LAMB1: variants seen among roughly 807,000 people sequenced by gnomAD.
LAMB1 encodes laminin subunit beta-1.
Under a neutral mutation model 222.3 loss-of-function variants are expected in LAMB1, and 121 were observed. That is an observed-to-expected ratio of 0.54 (90% CI 0.47 to 0.63). LAMB1 has a LOEUF of 0.63. Among genes scored for constraint, LAMB1 ranks in the 30% least tolerant of loss-of-function variants. The pLI, the probability that LAMB1 is intolerant of heterozygous loss-of-function variation, is 0.00. For synonymous variants in LAMB1, 794 were observed against 807.2 expected (o/e 0.98, Z 0.28); for missense variants, 2,172 against 2,240.8 (o/e 0.97, Z 0.62).
At chr7:107,996,522 T>G (rs540063918) in intron 4 of LAMB1, among the ~76,000 whole-genome samples, 2 of 152,292 alleles carry the variant, frequency 1.3e-5, no homozygotes, top group Admixed American at 1.3e-4. Flanking sequence ...TCATAAACTC[T>G]TAAACTGTGA....
At chr7:108,002,288 C>T in intron 2 of LAMB1, 1 of 1,310,908 alleles carries the variant, frequency 7.6e-7, no homozygotes, top group South Asian at 1.2e-5. Context: ...CGGTGGACGC[C>T]GCTTTCCGGA....
chr7:107,935,017 G>A (rs2032806184), intron 27 of LAMB1, among the ~76,000 whole-genome samples: 1 of 151,916 alleles, frequency 6.6e-6, no homozygotes, highest in Non-Finnish European at 1.5e-5. Flanking sequence ...CGGAGTTCAA[G>A]ACTAGCCTGA....
intron 32 of LAMB1, among the ~76,000 whole-genome samples, chr7:107,924,766 C>A (rs2032521258): frequency 6.6e-6 from 1 of 151,874 alleles, no homozygotes; most frequent in African/African-American, 2.4e-5. Context: ...TGGATCTTGA[C>A]TAAATTAGGA....
At chr7:107,975,549 A>G in intron 10 of LAMB1, 136 bp from the exon 11 acceptor site, 2 of 1,218,802 alleles carry the variant, frequency 1.6e-6, no homozygotes, top group Non-Finnish European at 2.3e-6. Context: ...AGTAAATTCC[A>G]CTCCCAGCGT....
intron 7 of LAMB1, among the ~76,000 whole-genome samples, chr7:107,982,541 A>C (rs896465392): frequency 3.9e-5 from 6 of 152,226 alleles, no homozygotes; most frequent in Non-Finnish European, 7.3e-5. Context: ...GCAGTTATGA[A>C]CGCCAACATT....
Position 107,959,361 on chromosome 7 carries a change from C to A in LAMB1, c.2578G>T (p.Gly860Cys). The change falls in exon 20 of 34, where the codon GGC becomes TGC. Residue 860 changes from glycine (G) to cysteine (C), a missense_variant. By Grantham distance (159) the Gly-to-Cys change is radical. Transcript: ENST00000222399. ...QCDRCLPGHWGFPSCQPCQCN... is the reference protein window; with the variant it reads ...QCDRCLPGHWCFPSCQPCQCN... Reference sequence around the variant, plus strand: ...TGGCAGGGCTGGCAACTTGGAAAGCCCCAGTGCCCAGGTAAGCACCGATCA... The same window carrying A: ...TGGCAGGGCTGGCAACTTGGAAAGCACCAGTGCCCAGGTAAGCACCGATCA... 6.2e-7 allele frequency: 1 copy of A among 1,614,210 alleles called. No homozygotes were observed. Among genetic ancestry groups the A allele is most frequent in the East Asian group, 2.2e-5 (1 of 44,878 alleles).
intron 9 of LAMB1, among the ~76,000 whole-genome samples, chr7:107,976,839 C>T (rs2033866950): frequency 6.7e-6 from 1 of 148,600 alleles, no homozygotes; most frequent in Admixed American, 6.8e-5. Context: ...TTTCCTCTCT[C>T]TCCTTCCTTC....
chr7:107,944,751 G>A (rs1305992649), intron 24 of LAMB1, among the ~76,000 whole-genome samples: 2 of 152,164 alleles, frequency 1.3e-5, no homozygotes, highest in African/African-American at 2.4e-5. Context: ...CCACACTCAC[G>A]TGGCTGAAGC....
chr7:107,997,697 A>G (rs570825153), intron 4 of LAMB1, among the ~76,000 whole-genome samples: 1 of 152,332 alleles, frequency 6.6e-6, no homozygotes, highest in Admixed American at 6.5e-5. Context: ...AAATTTCAGC[A>G]TTCGAGTTTG....
chr7:107,949,054 C>G (rs34078985), intron 24 of LAMB1, among the ~76,000 whole-genome samples: 2 of 152,128 alleles, frequency 1.3e-5, no homozygotes, highest in Admixed American at 1.3e-4. Flanking sequence ...AAGTTTCTTA[C>G]GTAATGAGCT....
At chr7:107,964,784 C>A in intron 13 of LAMB1, 97 bp from the exon 14 acceptor site, 5 of 1,302,822 alleles carry the variant, frequency 3.8e-6, no homozygotes, top group Non-Finnish European at 4.3e-6. Flanking sequence ...GTACACAGGA[C>A]CAAATACATA....
rs923966026 is a variant in LAMB1, at chr7:107,998,297, A to C, written c.349+60T>G. 4.5e-6 allele frequency: 7 copies of C among 1,559,518 alleles called. No homozygotes were observed. In the Admixed American group the frequency reaches 1.2e-4, roughly 27 times the overall value. Reference sequence around the variant, plus strand: ...TAATTACAAACACCCAGGAACCTGTAAGCTCCACCCAAGTTATCAATCACA... The same window carrying C: ...TAATTACAAACACCCAGGAACCTGTCAGCTCCACCCAAGTTATCAATCACA... On this transcript the variant is annotated intron_variant, in intron 4 of 33. Transcript: ENST00000222399.
intron 8 of LAMB1, among the ~76,000 whole-genome samples, chr7:107,979,439 TGAGTGAG>T (rs1185231263): frequency 6.6e-6 from 1 of 152,182 alleles, no homozygotes; most frequent in African/African-American, 2.4e-5. Context: ...ACCCTGGGGC[TGAGTGAG>T]GAGAGGCTTG....
At position 107,926,244 on chromosome 7, in the gene LAMB1, T is replaced by TC. The variant is rs1278743247; in HGVS notation, c.5002dup (p.Glu1668GlyfsTer6). The TC allele has an allele frequency of 6.2e-7, 1 of 1,613,908 alleles. No homozygotes were observed. The highest frequency in any genetic ancestry group is 1.7e-5 in the Admixed American group (1 of 59,988). On this transcript the variant is annotated frameshift_variant, in exon 32 of 34. Coordinates refer to ENST00000222399, the MANE Select transcript of LAMB1 (RefSeq NM_002291.3). LOFTEE classifies it high-confidence loss of function. ...TACTACTTTTTCAATATATTCTGCC[T>TC]CCCCGGAGTTTTGGGCAGCTTTCCG...
chr7:108,000,584 A>T (rs1441302313), intron 3 of LAMB1, among the ~76,000 whole-genome samples: 10 of 152,204 alleles, frequency 6.6e-5, no homozygotes, highest in Admixed American at 5.9e-4. Flanking sequence ...CCCTTTGTTG[A>T]TCAAGCTGGA....
At chr7:107,977,702 C>T (rs1176526269) in intron 9 of LAMB1, among the ~76,000 whole-genome samples, 1 of 152,086 alleles carries the variant, frequency 6.6e-6, no homozygotes, top group Admixed American at 6.5e-5. Flanking sequence ...TCGCTTGAAC[C>T]TGGGAGGCAG....
Position 107,924,214 on chromosome 7 carries a change from G to GT in LAMB1, c.5224+15dup, listed in dbSNP as rs751538699. ...TTAAAGTAATTTAAAAAATAAGCCT[G>GT]TGTGAAAAGACCCACCTTTGAGCAG... On this transcript the variant is annotated intron_variant, in intron 33 of 33. Transcript: ENST00000222399. 1.5e-5 allele frequency: 23 copies of GT among 1,581,718 alleles called. No homozygotes were observed. The highest frequency in any genetic ancestry group is 1.8e-5 in the Non-Finnish European group (21 of 1,170,804).
intron 3 of LAMB1, among the ~76,000 whole-genome samples, chr7:108,000,417 T>C (rs1044661688): frequency 6.6e-6 from 1 of 152,166 alleles, no homozygotes; most frequent in Admixed American, 6.5e-5. Flanking sequence ...CAATACTCTG[T>C]CCTCCTTCTG....
chr7:107,970,070 AG>A (rs2033716408), intron 13 of LAMB1, among the ~76,000 whole-genome samples: 1 of 152,242 alleles, frequency 6.6e-6, no homozygotes, highest in African/African-American at 2.4e-5. Flanking sequence ...GCAAAAACAA[AG>A]ATGACATAAT....
Sources: gnomAD v4.1 joint callset for allele counts (sites outside exome capture counted in the v4.1 genomes callset) on GRCh38, gnomAD v4.1.1 for gene constraint, MANE v1.5 for transcripts, NCBI Gene and HGNC (gene_info 2026-07-23, HGNC 2026-07-21) for gene names.